PCDHGA5: variants seen among roughly 807,000 people sequenced by gnomAD.
The protein encoded by PCDHGA5 is protocadherin gamma-A5.
Under a neutral mutation model 56.7 loss-of-function variants are expected in PCDHGA5, and 36 were observed. The observed-to-expected ratio is 0.64, with a 90% confidence interval of 0.49 to 0.84. The LOEUF is 0.84. Ranked by LOEUF, PCDHGA5 falls within the 40% of genes least tolerant of loss-of-function variation. The pLI is 0.00. For missense variants in PCDHGA5, 1,305 were observed against 1,201.5 expected, an observed-to-expected ratio of 1.09 and a Z score of -1.27; for synonymous variants, 563 against 520.2, an observed-to-expected ratio of 1.08 and a Z score of -1.12.
intron 1 of PCDHGA5, among the ~76,000 whole-genome samples, chr5:141,483,526 G>A (rs2099582495): frequency 6.6e-6 from 1 of 152,118 alleles, no homozygotes; most frequent in African/African-American, 2.4e-5. Flanking sequence ...TCCTGACTAA[G>A]GAAGCTGGGT....
At chr5:141,398,486 A>G (rs892086829) in intron 1 of PCDHGA5, 17 of 1,608,942 alleles carry the variant, frequency 1.1e-5, no homozygotes, top group Non-Finnish European at 1.4e-5. Flanking sequence ...TATCACGTGA[A>G]TGTGGAGATC....
chr5:141,457,336 C>T (rs1032184011), intron 1 of PCDHGA5, among the ~76,000 whole-genome samples: 6 of 152,158 alleles, frequency 3.9e-5, no homozygotes, highest in Admixed American at 3.3e-4. Context: ...AGGTACCTTA[C>T]TTACTTTCAT....
At chr5:141,420,190 A>T in intron 1 of PCDHGA5, 3 of 1,613,922 alleles carry the variant, frequency 1.9e-6, no homozygotes, top group Non-Finnish European at 2.5e-6. Flanking sequence ...GTCCAGCCAC[A>T]CAAGATAACC....
intron 1 of PCDHGA5, chr5:141,426,585 T>C (rs2096944493): frequency 2.8e-6 from 1 of 358,848 alleles, no homozygotes; most frequent in African/African-American, 2.1e-5. Flanking sequence ...CAAAATCCTC[T>C]GTGTCATACC....
intron 1 of PCDHGA5, chr5:141,413,440 A>G (rs4912751): frequency 0.46 from 738,760 of 1,613,878 alleles, 177,316 homozygotes; most frequent in African/African-American, 0.83. Flanking sequence ...CGGCAGCTTG[A>G]TCACCGCGGG....
At chr5:141,374,350 G>A in intron 1 of PCDHGA5, 1 of 1,614,038 alleles carries the variant, frequency 6.2e-7, no homozygotes, top group Non-Finnish European at 8.5e-7. Flanking sequence ...CCGCGGGTAG[G>A]ATAGACCGCG....
intron 1 of PCDHGA5, chr5:141,419,444 G>A: frequency 6.2e-7 from 1 of 1,613,088 alleles, no homozygotes; most frequent in Non-Finnish European, 8.5e-7. Context: ...GCGCACCTTC[G>A]AGCTCACGCT....
Position 141,431,135 on chromosome 5 carries a change from A to G in PCDHGA5, c.2422-63672A>G, listed in dbSNP as rs140069213. The G allele has an allele frequency of 1.5e-5, 24 of 1,614,266 alleles. No homozygotes were observed. In the African/African-American group the frequency reaches 3.1e-4, roughly 21 times the overall value. Reference sequence around the variant, plus strand: ...TGGAGTAGAAGTAGAAGTAAGGGACATTAACGACAATGCGCCTTACTTTCG... The same window carrying G: ...TGGAGTAGAAGTAGAAGTAAGGGACGTTAACGACAATGCGCCTTACTTTCG... On this transcript the variant is annotated intron_variant, in intron 1 of 3. Transcript: ENST00000518069. This position sits in a 1 kb window ranked among gnomAD's most constrained non-coding sequence, Gnocchi z 4.8.
At chr5:141,395,170 AGAAAAATGATTCTT>A in intron 1 of PCDHGA5, 1 of 1,614,214 alleles carries the variant, frequency 6.2e-7, no homozygotes, top group Non-Finnish European at 8.5e-7. Flanking sequence ...GAGGGCTGTG[AGAAAAATGATTCTT>A]TGTTAACATC....
At chr5:141,389,866 T>G (rs1332106674) in intron 1 of PCDHGA5, 1 of 1,614,082 alleles carries the variant, frequency 6.2e-7, no homozygotes, top group African/African-American at 1.3e-5. Context: ...TTGCACCTGG[T>G]CTTCGCCGAC....
chr5:141,467,129 T>G (rs2099137740), intron 1 of PCDHGA5, among the ~76,000 whole-genome samples: 1 of 151,826 alleles, frequency 6.6e-6, no homozygotes, highest in Non-Finnish European at 1.5e-5. Context: ...CTCAGCTCAC[T>G]GCAACCTCTG....
rs1288071067 is a variant in PCDHGA5 at position 141,404,171 on chromosome 5, GC to G, written c.2421+37423del. ...AGAAGATTATTACAGATTGTTGACG[GC>G]CCAAATTCTTGACCGAGAAAAAGCC... On this transcript the variant is annotated intron_variant, in intron 1 of 3. Coordinates refer to ENST00000518069, the MANE Select transcript of PCDHGA5 (RefSeq NM_018918.3). 5.6e-6 allele frequency: 9 copies of G among 1,612,616 alleles called. No homozygotes were observed. The African/African-American group carries it at 9.4e-5, about 17-fold the overall frequency.
chr5:141,422,874 G>C (rs763219526), intron 1 of PCDHGA5: 56 of 1,614,134 alleles, frequency 3.5e-5, no homozygotes, highest in Non-Finnish European at 1.0e-5. Flanking sequence ...ACGTGTCGCT[G>C]AGCCTGTTCG....
chr5:141,382,825 G>C, intron 1 of PCDHGA5: 1 of 1,337,416 alleles, frequency 7.5e-7, no homozygotes, highest in Non-Finnish European at 1.0e-6. Flanking sequence ...CTAAGACAGA[G>C]GGGTCCACCC....
At position 141,486,827 on chromosome 5, in the gene PCDHGA5, C is replaced by G. The variant is rs758132181; in HGVS notation, c.2422-7980C>G. 1.2e-6 allele frequency: 2 copies of G among 1,614,228 alleles called. No homozygotes were observed. Among genetic ancestry groups the G allele is most frequent in the Admixed American group, 1.7e-5 (1 of 60,034 alleles). On this transcript the variant is annotated intron_variant, in intron 1 of 3. Transcript: ENST00000518069. This position sits in a 1 kb window ranked among gnomAD's most constrained non-coding sequence, Gnocchi z 5.0. ...ACCCCTTAGCAGCACTGTAACAGTTCGTCTATTTGTGCTGGACCTCAATGA... is the reference window on the plus strand; with the variant it reads ...ACCCCTTAGCAGCACTGTAACAGTTGGTCTATTTGTGCTGGACCTCAATGA...
chr5:141,469,005 G>A (rs1011079995), intron 1 of PCDHGA5, among the ~76,000 whole-genome samples: 7 of 151,814 alleles, frequency 4.6e-5, no homozygotes, highest in South Asian at 2.1e-4. Context: ...TGCTGGGTGC[G>A]GTGGGTCACT....
chr5:141,417,805 G>T, intron 1 of PCDHGA5: 1 of 1,499,292 alleles, frequency 6.7e-7, no homozygotes. Flanking sequence ...TAGCGCGGTA[G>T]AGTGCACTTT....
At chr5:141,471,901 G>C (rs1224804131) in intron 1 of PCDHGA5, among the ~76,000 whole-genome samples, 1 of 152,146 alleles carries the variant, frequency 6.6e-6, no homozygotes, top group Non-Finnish European at 1.5e-5. Context: ...ATTGACTACA[G>C]ACAAGCATGA....
chr5:141,487,880 G>T lies in PCDHGA5; in HGVS notation c.2422-6927G>T, dbSNP rs1008153773. ...ATTGGTGATCAAGAGCCAGGCTGTTGTGGAAGCATGATGATGGAATGTGGG... is the reference window on the plus strand; with the variant it reads ...ATTGGTGATCAAGAGCCAGGCTGTTTTGGAAGCATGATGATGGAATGTGGG... On this transcript the variant is annotated intron_variant, in intron 1 of 3. Transcript: ENST00000518069. The surrounding 1 kb of genome is among the most constrained non-coding windows in gnomAD (Gnocchi z 5.0). The T allele has an allele frequency of 3.8e-6, 3 of 784,896 alleles. No individual in the cohort carries two copies. Among genetic ancestry groups the T allele is most frequent in the Non-Finnish European group, 6.0e-6 (3 of 497,074 alleles). 48.6% of individuals were successfully genotyped at this position (784,896 alleles called of 1,614,324 possible).
Sources: gnomAD v4.1 joint callset for allele counts (sites outside exome capture counted in the v4.1 genomes callset) on GRCh38, gnomAD v4.1.1 for gene constraint, Gnocchi (gnomAD v3.1) non-coding constraint, MANE v1.5 for transcripts, NCBI Gene and HGNC (gene_info 2026-07-23, HGNC 2026-07-21) for gene names.